STARD13: variants seen among roughly 807,000 people sequenced by gnomAD.
The protein encoded by STARD13 is stAR-related lipid transfer protein 13.
Under a neutral mutation model 106.4 loss-of-function variants are expected in STARD13, and 62 were observed. The ratio of observed to expected loss-of-function variants is 0.58; its 90% CI spans 0.48 to 0.72. The LOEUF (loss-of-function observed/expected upper bound fraction) is 0.72, where lower values mean the gene tolerates loss of function less well. Ranked by LOEUF, STARD13 falls within the 30% of genes least tolerant of loss-of-function variation. The probability of loss-of-function intolerance (pLI) is 0.00; values close to 1 mark genes in which losing one functional copy is unlikely to be tolerated. For missense variants in STARD13, 1,387 were observed against 1,424.0 expected (o/e 0.97, Z 0.42); for synonymous variants, 565 against 553.0 (o/e 1.02, Z -0.31).
chr13:33,442,576 G>C, the STARD13 span, among the ~76,000 whole-genome samples: 5 of 152,176 alleles, frequency 3.3e-5, no homozygotes, highest in Non-Finnish European at 7.3e-5. Flanking sequence ...TTTCAAGTGC[G>C]AGGTATCATG....
chr13:33,516,262 A>G, the STARD13 span, among the ~76,000 whole-genome samples: 1 of 149,270 alleles, frequency 6.7e-6, no homozygotes. Flanking sequence ...TGAATTATAT[A>G]TAATTTCATA....
intron 1 of STARD13, among the ~76,000 whole-genome samples, chr13:33,215,556 A>G (rs1887992483): frequency 6.6e-6 from 1 of 152,230 alleles, no homozygotes; most frequent in Non-Finnish European, 1.5e-5. Context: ...AATAATGCTC[A>G]TGATATTCAA....
At chr13:33,455,790 A>G in the STARD13 span, among the ~76,000 whole-genome samples, 1 of 151,952 alleles carries the variant, frequency 6.6e-6, no homozygotes, top group Non-Finnish European at 1.5e-5. Context: ...CAACAACAAC[A>G]AAAATTAGCC....
intron 1 of STARD13, among the ~76,000 whole-genome samples, chr13:33,336,037 C>T (rs572943477): frequency 3.9e-5 from 6 of 152,282 alleles, no homozygotes; most frequent in South Asian, 2.1e-4. Context: ...CTCCTGTATA[C>T]GAGCTACATG....
intron 1 of STARD13, among the ~76,000 whole-genome samples, chr13:33,320,641 A>G (rs879891095): frequency 7.9e-5 from 12 of 152,212 alleles, no homozygotes; most frequent in Admixed American, 3.3e-4. Flanking sequence ...ATTTCTCTAA[A>G]TCATATTTCT....
At chr13:33,165,706 G>A (rs2093527699) in intron 2 of STARD13, among the ~76,000 whole-genome samples, 1 of 152,236 alleles carries the variant, frequency 6.6e-6, no homozygotes, top group Non-Finnish European at 1.5e-5. Flanking sequence ...TTAGGTGGAT[G>A]TGGCCTCAGA....
the STARD13 span, among the ~76,000 whole-genome samples, chr13:33,486,644 G>A: frequency 2.6e-5 from 4 of 152,052 alleles, no homozygotes; most frequent in Admixed American, 1.3e-4. Context: ...TCCAATATGT[G>A]ATTTGCATGG....
the STARD13 span, among the ~76,000 whole-genome samples, chr13:33,664,109 A>G: frequency 6.6e-6 from 1 of 152,172 alleles, no homozygotes; most frequent in Non-Finnish European, 1.5e-5. Context: ...CCAAGTAACC[A>G]CGAATCCTTT....
chr13:33,649,902 G>A, the STARD13 span, among the ~76,000 whole-genome samples: 10 of 152,146 alleles, frequency 6.6e-5, no homozygotes, highest in African/African-American at 2.2e-4. Flanking sequence ...ATTAATAGTC[G>A]TTGTGAAATA....
chr13:33,629,564 T>C, the STARD13 span, among the ~76,000 whole-genome samples: 4 of 152,260 alleles, frequency 2.6e-5, no homozygotes, highest in African/African-American at 9.6e-5. Context: ...GAAACTAATA[T>C]GCATGTGTTC....
At chr13:33,458,618 A>G in the STARD13 span, among the ~76,000 whole-genome samples, 2 of 152,134 alleles carry the variant, frequency 1.3e-5, no homozygotes, top group African/African-American at 4.8e-5. Flanking sequence ...GGCTGCTGCT[A>G]ACACAGACAG....
At chr13:33,658,924 T>C in the STARD13 span, among the ~76,000 whole-genome samples, 130,709 of 152,162 alleles carry the variant, frequency 0.86, 57,017 homozygotes, top group South Asian at 0.96. Context: ...AATGAAGCTG[T>C]CATTACAACG....
intron 10 of STARD13, 117 bp downstream of exon 10, chr13:33,111,661 C>A: frequency 1.5e-6 from 1 of 673,268 alleles, no homozygotes; most frequent in Non-Finnish European, 2.6e-6. Context: ...ATAACATATA[C>A]TATTGTCATA....
intron 4 of STARD13, among the ~76,000 whole-genome samples, chr13:33,134,162 C>T (rs1878737177): frequency 6.6e-6 from 1 of 152,166 alleles, no homozygotes; most frequent in Non-Finnish European, 1.5e-5. Context: ...ATATGGCTCA[C>T]TAGCTAGATG....
chr13:33,443,888 C>CAAAA, the STARD13 span, among the ~76,000 whole-genome samples: 17 of 49,978 alleles, frequency 3.4e-4, no homozygotes, highest in Non-Finnish European at 5.0e-4. Context: ...GACTCAGTCT[C>CAAAA]AAAAAAAAAA....
chr13:33,275,527 G>C (rs747343909), intron 1 of STARD13, among the ~76,000 whole-genome samples: 2 of 152,150 alleles, frequency 1.3e-5, no homozygotes, highest in African/African-American at 4.8e-5. Flanking sequence ...GAAACATTAA[G>C]TGACTCGTCC....
intron 1 of STARD13, among the ~76,000 whole-genome samples, chr13:33,214,960 T>G (rs578165478): frequency 1.6e-4 from 24 of 152,222 alleles, no homozygotes; most frequent in African/African-American, 5.5e-4. Flanking sequence ...AAACAGAATC[T>G]TGTTTAAGTC....
At chr13:33,288,508 C>T (rs1041603426), upstream of STARD13, among the ~76,000 whole-genome samples, 1 of 151,858 alleles carries the variant, frequency 6.6e-6, no homozygotes, top group African/African-American at 2.4e-5. Flanking sequence ...CTCCTGGCTT[C>T]CAGCATTTCT....
the STARD13 span, among the ~76,000 whole-genome samples, chr13:33,405,623 C>T: frequency 6.6e-6 from 1 of 152,238 alleles, no homozygotes; most frequent in Non-Finnish European, 1.5e-5. Context: ...AGAAAATTAA[C>T]ATAAGTGTTA....
Sources: gnomAD v4.1 joint callset for allele counts (sites outside exome capture counted in the v4.1 genomes callset) on GRCh38, gnomAD v4.1.1 for gene constraint, MANE v1.5 for transcripts, NCBI Gene and HGNC (gene_info 2026-07-23, HGNC 2026-07-21) for gene names.